Variants in TEAD1 observed in about 807,000 individuals in gnomAD.
The protein encoded by TEAD1 is TEA domain transcription factor 1.
In TEAD1, 9 loss-of-function variants were observed where a neutral mutation model predicts 54.9. The ratio of observed to expected loss-of-function variants is 0.16; its 90% CI spans 0.10 to 0.29. The LOEUF (loss-of-function observed/expected upper bound fraction) is 0.29. TEAD1 is among the 10% of genes least tolerant of loss of function. The pLI, the probability that TEAD1 is intolerant of heterozygous loss-of-function variation, is 1.00. For synonymous variants in TEAD1, 200 were observed against 187.8 expected (o/e 1.07, Z -0.53); for missense variants, 387 against 535.9 (o/e 0.72, Z 2.74).
In TEAD1 at chr11:12,943,459, C is replaced by T. The variant is rs2134183648; in HGVS notation, c.*6237C>T. On this transcript the variant is annotated 3_prime_UTR_variant, in exon 13 of 13. Coordinates refer to ENST00000527636, the MANE Select transcript of TEAD1 (RefSeq NM_021961.6). Reference sequence around the variant, plus strand: ...AGGGTAGTTTCACTGAAGTCATGCACCATTAAATAAGATGAAATATTTGTA... The same window carrying T: ...AGGGTAGTTTCACTGAAGTCATGCATCATTAAATAAGATGAAATATTTGTA... 6.5e-6 allele frequency: 1 copy of T among 152,742 alleles called. No individual in the cohort carries two copies. Among genetic ancestry groups the T allele is most frequent in the African/African-American group, 2.4e-5 (1 of 41,578 alleles). The allele number at this position is 152,742 out of a possible 1,614,324, so 9.5% of individuals were successfully genotyped here.
chr11:12,816,864 A>G (rs1946426705), intron 3 of TEAD1, among the ~76,000 whole-genome samples: 1 of 152,188 alleles, frequency 6.6e-6, no homozygotes, highest in Non-Finnish European at 1.5e-5. Flanking sequence ...ATGAGAATGT[A>G]GAGAACCTAC....
At chr11:12,678,310 G>A (rs906323422) in intron 2 of TEAD1, among the ~76,000 whole-genome samples, 2 of 152,202 alleles carry the variant, frequency 1.3e-5, no homozygotes, top group African/African-American at 4.8e-5. Flanking sequence ...TTTGGACTCA[G>A]CCAGAAAAAT....
Position 12,942,372 on chromosome 11 carries a change from G to C in TEAD1, c.*5150G>C, listed in dbSNP as rs1040942370. The C allele has an allele frequency of 1.3e-5, 2 of 152,316 alleles. No individual in the cohort carries two copies. Among genetic ancestry groups the C allele is most frequent in the Non-Finnish European group, 2.9e-5 (2 of 68,064 alleles). The allele number at this position is 152,316 out of a possible 1,614,324, so 9.4% of individuals were successfully genotyped here. A position where few individuals can be genotyped will look rare whatever the true frequency, so the allele number is the denominator to read the frequency against. ...AGGCCTCTGTTCACAAGAGCACGAC[G>C]TGGTCCCCGCCTGCTGCTAGTCTGT... is the stretch of plus-strand genomic sequence containing the variant. On this transcript the variant is annotated 3_prime_UTR_variant, in exon 13 of 13. Transcript: ENST00000527636.
intron 3 of TEAD1, among the ~76,000 whole-genome samples, chr11:12,820,005 G>A (rs979427918): frequency 2.4e-4 from 32 of 133,782 alleles, no homozygotes; most frequent in African/African-American, 8.3e-4. Flanking sequence ...AGACTGGGTG[G>A]TTGGAGCTCA....
intron 3 of TEAD1, among the ~76,000 whole-genome samples, chr11:12,793,254 C>G (rs1945842446): frequency 6.6e-6 from 1 of 151,746 alleles, no homozygotes; most frequent in African/African-American, 2.4e-5. Flanking sequence ...TTCTTTAGGA[C>G]CAATTCCAAG....
At chr11:12,729,255 C>A (rs534438161) in intron 2 of TEAD1, among the ~76,000 whole-genome samples, 3 of 152,354 alleles carry the variant, frequency 2.0e-5, no homozygotes. Flanking sequence ...CCCCAGGCCT[C>A]TCTCTTGCTG....
chr11:12,688,248 C>T (rs1165177833), intron 2 of TEAD1, among the ~76,000 whole-genome samples: 1 of 152,122 alleles, frequency 6.6e-6, no homozygotes, highest in Non-Finnish European at 1.5e-5. Flanking sequence ...GTTAACTGTG[C>T]TTGCCCAGAG....
At chr11:12,875,581 TAAAGG>T (rs942042984) in intron 5 of TEAD1, among the ~76,000 whole-genome samples, 22 of 152,284 alleles carry the variant, frequency 1.4e-4, no homozygotes, top group African/African-American at 5.3e-4. Context: ...ATATTGTAGA[TAAAGG>T]GGAGATGTTA....
chr11:12,885,593 T>G (rs2134104178), intron 9 of TEAD1, among the ~76,000 whole-genome samples: 1 of 152,304 alleles, frequency 6.6e-6, no homozygotes, highest in South Asian at 2.1e-4. Flanking sequence ...TGTTTGCATA[T>G]GACTGTTTTT....
chr11:12,714,822 G>A (rs887738635), intron 2 of TEAD1, among the ~76,000 whole-genome samples: 1 of 152,118 alleles, frequency 6.6e-6, no homozygotes, highest in African/African-American at 2.4e-5. Flanking sequence ...TCTCCTCTGT[G>A]TGTGTCCCTA....
intron 2 of TEAD1, among the ~76,000 whole-genome samples, chr11:12,752,472 G>A (rs187239909): frequency 4.3e-4 from 65 of 152,218 alleles, no homozygotes; most frequent in Admixed American, 2.2e-3. Flanking sequence ...TTCTAATAAC[G>A]TAGATGAATT....
At chr11:12,697,126 A>G (rs1261973140) in intron 2 of TEAD1, among the ~76,000 whole-genome samples, 1 of 152,124 alleles carries the variant, frequency 6.6e-6, no homozygotes, top group Non-Finnish European at 1.5e-5. Flanking sequence ...CAGGTGTGTC[A>G]TTAGACCTGA....
At chr11:12,931,504 T>G (rs1949010004) in intron 12 of TEAD1, among the ~76,000 whole-genome samples, 1 of 152,206 alleles carries the variant, frequency 6.6e-6, no homozygotes, top group African/African-American at 2.4e-5. Context: ...CAGCAGGAAT[T>G]CTTTACTTGG....
chr11:12,696,919 A>G lies in TEAD1; in HGVS notation c.-55+21358A>G, dbSNP rs139309101. On this transcript the variant is annotated intron_variant, in intron 2 of 12. Transcript: ENST00000527636. ...CCTGGACTGTCTAGCTAACTGGGGA[A>G]CAAGAAGGGCTACCCACTTCCACCC... is the stretch of plus-strand genomic sequence containing the variant. Among the ~76,000 whole-genome samples, 378 of 152,248 alleles carry G rather than the reference A, an allele frequency of 2.5e-3. 3 individuals are homozygous for G. The highest frequency in any genetic ancestry group is 8.6e-3 in the African/African-American group (357 of 41,542).
At chr11:12,721,996 T>C (rs1944211833) in intron 2 of TEAD1, among the ~76,000 whole-genome samples, 1 of 152,226 alleles carries the variant, frequency 6.6e-6, no homozygotes, top group African/African-American at 2.4e-5. Flanking sequence ...CTCCTAAATA[T>C]TCTGATTCAC....
rs2134181529 is a variant in TEAD1, at chr11:12,940,034, T to C, written c.*2812T>C. 6.6e-6 allele frequency: 1 copy of C among 152,388 alleles called. No individual in the cohort carries two copies. Among genetic ancestry groups the C allele is most frequent in the African/African-American group, 2.4e-5 (1 of 41,570 alleles). 9.4% of individuals were successfully genotyped at this position (152,388 alleles called of 1,614,324 possible). On this transcript the variant is annotated 3_prime_UTR_variant, in exon 13 of 13. Transcript: ENST00000527636. ...CCCTCGAGACCCTCTGGTGCCAGGC[T>C]TGCTTCACGGCCATCTTGTGTTGTC...
intron 3 of TEAD1, among the ~76,000 whole-genome samples, chr11:12,852,022 A>G (rs1245458902): frequency 6.6e-6 from 1 of 152,164 alleles, no homozygotes; most frequent in Admixed American, 6.6e-5. Flanking sequence ...TGGCTCCCAC[A>G]GACATTGGGG....
At chr11:12,912,742 T>C (rs1948639920) in intron 10 of TEAD1, among the ~76,000 whole-genome samples, 1 of 152,146 alleles carries the variant, frequency 6.6e-6, no homozygotes, top group African/African-American at 2.4e-5. Context: ...AAACCACAGA[T>C]ACTTCTCTTT....
At position 12,941,481 on chromosome 11, in the gene TEAD1, G is replaced by A. The variant is rs1949161743; in HGVS notation, c.*4259G>A. The A allele has an allele frequency of 6.6e-6, 1 of 152,236 alleles. No homozygotes were observed. The highest frequency in any genetic ancestry group is 2.1e-4 in the South Asian group (1 of 4,824). 9.4% of individuals were successfully genotyped at this position (152,236 alleles called of 1,614,324 possible). On this transcript the variant is annotated 3_prime_UTR_variant, in exon 13 of 13. Coordinates refer to ENST00000527636, the MANE Select transcript of TEAD1 (RefSeq NM_021961.6). ...CAGTACTGTGGTGGCTTTAGCAGTT[G>A]TTTTTGTGCAACTATAAATTATTTA...
Sources: allele counts gnomAD v4.1 joint callset (sites outside exome capture counted in the v4.1 genomes callset), GRCh38; gene constraint gnomAD v4.1.1; transcripts MANE v1.5; gene names NCBI Gene and HGNC (gene_info 2026-07-23, HGNC 2026-07-21).